The following SHANK2 variants were observed in gnomAD, a reference collection of about 807,000 sequenced individuals.
SHANK2 encodes the protein SH3 and multiple ankyrin repeat domains protein 2.
SHANK2 carries 43 observed loss-of-function variants against 133.7 expected under a neutral mutation model. The observed-to-expected ratio is 0.32, with a 90% confidence interval of 0.25 to 0.41. The LOEUF (loss-of-function observed/expected upper bound fraction) is 0.41. Among genes scored for constraint, SHANK2 ranks in the 10% least tolerant of loss-of-function variants. SHANK2 has a pLI of 1.00. For missense variants in SHANK2, 1,994 were observed against 2,235.8 expected (o/e 0.89, Z 2.18); for synonymous variants, 1,017 against 952.8 (o/e 1.07, Z -1.24).
intron 14 of SHANK2, among the ~76,000 whole-genome samples, chr11:70,731,167 G>C (rs1946281262): frequency 6.6e-6 from 1 of 152,180 alleles, no homozygotes; most frequent in Non-Finnish European, 1.5e-5. Flanking sequence ...CTTATAAGAA[G>C]AGAAAGAAAC....
chr11:70,866,854 A>C (rs1360688879), intron 11 of SHANK2, among the ~76,000 whole-genome samples: 1 of 151,972 alleles, frequency 6.6e-6, no homozygotes, highest in African/African-American at 2.4e-5. Context: ...CTGCCCGCAC[A>C]TGGACTCAGC....
chr11:71,104,533 C>A (rs1415694207), intron 6 of SHANK2, among the ~76,000 whole-genome samples: 1 of 152,226 alleles, frequency 6.6e-6, no homozygotes, highest in Non-Finnish European at 1.5e-5. Flanking sequence ...GCTCTGGCCT[C>A]TCGTTGGAAC....
At chr11:71,100,061 AAAGAC>A (rs1951693124) in intron 6 of SHANK2, among the ~76,000 whole-genome samples, 1 of 152,040 alleles carries the variant, frequency 6.6e-6, no homozygotes, top group Admixed American at 6.6e-5. Context: ...AAAAAAAAAA[AAAGAC>A]ACCTCAACAC....
intron 14 of SHANK2, among the ~76,000 whole-genome samples, chr11:70,742,726 C>T (rs975120203): frequency 6.6e-6 from 1 of 152,222 alleles, no homozygotes; most frequent in Non-Finnish European, 1.5e-5. Context: ...GCACAGCCAC[C>T]CCACTGGGCA....
chr11:70,549,901 G>A (rs1185855343), intron 17 of SHANK2, among the ~76,000 whole-genome samples: 1 of 152,222 alleles, frequency 6.6e-6, no homozygotes, highest in African/African-American at 2.4e-5. Context: ...CGGTTCACTC[G>A]CAGCCACCGC....
chr11:70,689,924 T>C (rs1167933799), intron 15 of SHANK2, among the ~76,000 whole-genome samples: 1 of 152,188 alleles, frequency 6.6e-6, no homozygotes, highest in Admixed American at 6.5e-5. Flanking sequence ...GGGATGGTGA[T>C]GAAGCAATGC....
chr11:70,502,531 C>T (rs1040463396), intron 18 of SHANK2, among the ~76,000 whole-genome samples: 37 of 152,266 alleles, frequency 2.4e-4, no homozygotes, highest in Non-Finnish European at 4.7e-4. Context: ...GGACAGGGCA[C>T]TGAGTGGGAA....
chr11:70,753,480 A>G (rs1417011835), intron 14 of SHANK2, among the ~76,000 whole-genome samples: 1 of 152,236 alleles, frequency 6.6e-6, no homozygotes, highest in East Asian at 1.9e-4. Context: ...AAGGAAGCAA[A>G]TAACAAAATA....
At chr11:70,808,987 T>G (rs1204486352) in intron 12 of SHANK2, among the ~76,000 whole-genome samples, 1 of 152,168 alleles carries the variant, frequency 6.6e-6, no homozygotes, top group Non-Finnish European at 1.5e-5. Context: ...CACAGAGCTA[T>G]GTTTTCAACC....
intron 2 of SHANK2, among the ~76,000 whole-genome samples, chr11:71,206,926 T>TA (rs1373529102): frequency 1.3e-5 from 2 of 150,994 alleles, no homozygotes; most frequent in African/African-American, 2.4e-5. Flanking sequence ...AAAGTCAAAG[T>TA]AAAAAAAAGA....
intron 17 of SHANK2, among the ~76,000 whole-genome samples, chr11:70,566,091 G>A (rs577712405): frequency 3.3e-5 from 5 of 152,250 alleles, no homozygotes; most frequent in African/African-American, 1.2e-4. Flanking sequence ...CAAGAGAAAG[G>A]GGTTTCCCCT....
chr11:70,878,057 C>G (rs1254399314), intron 11 of SHANK2, among the ~76,000 whole-genome samples: 1 of 152,220 alleles, frequency 6.6e-6, no homozygotes, highest in African/African-American at 2.4e-5. Context: ...AATGGCTCAG[C>G]CGCCATTGAC....
chr11:70,873,364 A>G (rs1471624345), intron 11 of SHANK2, among the ~76,000 whole-genome samples: 1 of 152,232 alleles, frequency 6.6e-6, no homozygotes. Flanking sequence ...ATGAGACAGG[A>G]GGGCCCAACG....
intron 11 of SHANK2, among the ~76,000 whole-genome samples, chr11:70,843,727 C>A (rs1438929854): frequency 6.6e-6 from 1 of 152,048 alleles, no homozygotes; most frequent in South Asian, 2.1e-4. Flanking sequence ...TGTTGAATGC[C>A]CCCCAGCCCA....
rs561873886 is a variant in SHANK2 at position 70,550,510 on chromosome 11, C to G, written c.2062-47579G>C. On this transcript the variant is annotated intron_variant, in intron 17 of 25. Coordinates refer to ENST00000601538, the MANE Select transcript of SHANK2 (RefSeq NM_012309.5). The stretch of plus-strand genomic sequence containing the variant: ...CTTTCTATTCAAGACTAAAGTCTAG[C>G]CCACTGCTACTGCTGCTCAGTGAAA... Among the ~76,000 whole-genome samples the G allele has an allele frequency of 1.1e-4, 17 of 152,332 alleles. No homozygotes were observed. The East Asian group carries it at 3.3e-3, about 29-fold the overall frequency.
intron 10 of SHANK2, among the ~76,000 whole-genome samples, chr11:70,914,668 T>TAAATAAAATATAAAATAAAATAAAATA (rs1950243287): frequency 1.9e-5 from 2 of 107,294 alleles, no homozygotes; most frequent in African/African-American, 7.4e-5. Context: ...ACAAAAAAAA[T>TAAATAAAATATAAAATAAAATAAAATA]AAATAAAATA....
At chr11:70,779,235 G>A (rs1947431949) in intron 14 of SHANK2, among the ~76,000 whole-genome samples, 1 of 151,426 alleles carries the variant, frequency 6.6e-6, no homozygotes, top group Admixed American at 6.6e-5. Flanking sequence ...GCGAGGCTCT[G>A]AGTGTGTTTT....
At chr11:70,737,063 A>T (rs1435261366) in intron 14 of SHANK2, among the ~76,000 whole-genome samples, 4 of 152,142 alleles carry the variant, frequency 2.6e-5, no homozygotes, top group Admixed American at 2.6e-4. Flanking sequence ...CAAAGTGGGG[A>T]TAAAATCCTT....
Position 70,486,689 on chromosome 11 carries a change from C to T in SHANK2, c.3604G>A (p.Val1202Ile), listed in dbSNP as rs1024883567. The part of the protein sequence containing the change: ...SSGTAGPGNY[V>I]HPLTGRLLDP... ...AGCAGCCGCCCTGTGAGTGGGTGGA[C>T]ATAATTCCCGGGGCCGGCTGTGCCG... The change falls in exon 25 of 26, where the codon GTC (valine) becomes ATC (isoleucine). Residue 1202 changes from valine (V) to isoleucine (I), a missense_variant. Physicochemically the swap from Val to Ile is conservative, Grantham distance 29. Transcript: ENST00000601538. This position sits in a 1 kb window ranked among gnomAD's most constrained non-coding sequence, Gnocchi z 8.0. 4 of 1,611,164 alleles carry T rather than the reference C, an allele frequency of 2.5e-6. No homozygotes were observed. The highest frequency in any genetic ancestry group is 3.4e-6 in the Non-Finnish European group (4 of 1,179,982).
Sources: allele counts gnomAD v4.1 joint callset (sites outside exome capture counted in the v4.1 genomes callset), GRCh38; gene constraint gnomAD v4.1.1; non-coding constraint Gnocchi (gnomAD v3.1); transcripts MANE v1.5; gene names NCBI Gene and HGNC (gene_info 2026-07-23, HGNC 2026-07-21).